Variants in HDAC9 observed in about 807,000 individuals in gnomAD.
The protein encoded by HDAC9 is histone deacetylase 9.
A neutral mutation model predicts 139.4 loss-of-function variants in HDAC9; 41 were observed. The ratio of observed to expected loss-of-function variants is 0.29; its 90% CI spans 0.23 to 0.38. The LOEUF is 0.38. HDAC9 is among the 10% of genes least tolerant of loss of function. The pLI is 1.00. For missense variants in HDAC9, 1,147 were observed against 1,297.0 expected (o/e 0.88, Z 1.78); for synonymous variants, 517 against 476.2 (o/e 1.09, Z -1.12).
At chr7:18,303,836 A>T (rs1798735239) in intron 1 of HDAC9, among the ~76,000 whole-genome samples, 1 of 151,956 alleles carries the variant, frequency 6.6e-6, no homozygotes, top group South Asian at 2.1e-4. Flanking sequence ...GCTGGCTGGA[A>T]CCTCACATGG....
intron 1 of HDAC9, among the ~76,000 whole-genome samples, chr7:18,421,542 A>G (rs34184790): frequency 0.24 from 36,584 of 152,088 alleles, 4,709 homozygotes; most frequent in East Asian, 0.42. Context: ...AAAGAACACA[A>G]TTATTTTTAT....
At chr7:18,922,323 A>G (rs1452584940) in intron 22 of HDAC9, among the ~76,000 whole-genome samples, 2 of 152,082 alleles carry the variant, frequency 1.3e-5, no homozygotes, top group Non-Finnish European at 2.9e-5. Context: ...TGTTTTCTAT[A>G]TAATTAAACC....
At chr7:18,237,632 T>G (rs537785886) in intron 2 of HDAC9, among the ~76,000 whole-genome samples, 77 of 152,268 alleles carry the variant, frequency 5.1e-4, no homozygotes, top group African/African-American at 1.7e-3. Context: ...TGAAAGATAT[T>G]TTGAAGGAAG....
intron 22 of HDAC9, among the ~76,000 whole-genome samples, chr7:18,895,145 A>G (rs546431477): frequency 2.0e-4 from 31 of 152,148 alleles, no homozygotes; most frequent in Non-Finnish European, 1.8e-4. Context: ...TAAATTTCAC[A>G]TATAACTTTA....
intron 2 of HDAC9, among the ~76,000 whole-genome samples, chr7:18,541,656 A>C: frequency 6.6e-6 from 1 of 152,226 alleles, no homozygotes; most frequent in East Asian, 1.9e-4. Flanking sequence ...GTTGGAACAG[A>C]AACAGGAATT....
intron 1 of HDAC9, among the ~76,000 whole-genome samples, chr7:18,471,618 C>T (rs926587758): frequency 9.2e-5 from 14 of 152,196 alleles, no homozygotes; most frequent in African/African-American, 3.1e-4. Flanking sequence ...CTGAACTTCT[C>T]TCTGGAATGC....
At chr7:18,221,547 T>C (rs984608267) in intron 2 of HDAC9, among the ~76,000 whole-genome samples, 6 of 152,180 alleles carry the variant, frequency 3.9e-5, no homozygotes, top group African/African-American at 1.4e-4. Context: ...AAGCAGATGA[T>C]GTTATTCCTA....
chr7:18,198,346 CA>C (rs1478765919), intron 2 of HDAC9, among the ~76,000 whole-genome samples: 1 of 151,982 alleles, frequency 6.6e-6, no homozygotes, highest in East Asian at 1.9e-4. Context: ...CTTTTAATAT[CA>C]ACACCATAGA....
chr7:18,869,149 T>G (rs548463876), intron 21 of HDAC9, among the ~76,000 whole-genome samples: 1,878 of 66,288 alleles, frequency 0.028, 10 homozygotes, highest in Non-Finnish European at 0.043. Context: ...ACAATTGGGG[T>G]GTGTGTGTGT....
intron 13 of HDAC9, among the ~76,000 whole-genome samples, chr7:18,734,471 C>T (rs1229930482): frequency 6.6e-6 from 1 of 152,116 alleles, no homozygotes; most frequent in African/African-American, 2.4e-5. Flanking sequence ...TGAGTGAGAA[C>T]ATGTGGTGGT....
intron 6 of HDAC9, among the ~76,000 whole-genome samples, chr7:18,623,721 A>G (rs2269747): frequency 0.069 from 10,573 of 152,184 alleles, 795 homozygotes; most frequent in East Asian, 0.34. Context: ...AGGCGGGCGG[A>G]TTACAAGGTC....
chr7:18,742,649 T>G (rs997828197), intron 13 of HDAC9, among the ~76,000 whole-genome samples: 2 of 152,150 alleles, frequency 1.3e-5, no homozygotes, highest in Admixed American at 6.5e-5. Flanking sequence ...AACTTTTTAT[T>G]TGGTTATTTT....
At chr7:18,842,501 A>G (rs1340412989) in intron 21 of HDAC9, among the ~76,000 whole-genome samples, 1 of 152,094 alleles carries the variant, frequency 6.6e-6, no homozygotes, top group Non-Finnish European at 1.5e-5. Context: ...ATATGAATTT[A>G]TTGCTAGTGT....
intron 1 of HDAC9, among the ~76,000 whole-genome samples, chr7:18,106,371 C>T (rs1783202642): frequency 1.3e-5 from 2 of 152,108 alleles, no homozygotes; most frequent in Non-Finnish European, 2.9e-5. Context: ...CCTGTCTGTT[C>T]CTCTCTCCCT....
chr7:18,305,056 C>G (rs1477894051), intron 1 of HDAC9, among the ~76,000 whole-genome samples: 4 of 152,310 alleles, frequency 2.6e-5, no homozygotes, highest in African/African-American at 9.6e-5. Context: ...TTTGCTCACA[C>G]ACTCTTCCTT....
intron 22 of HDAC9, among the ~76,000 whole-genome samples, chr7:18,930,191 G>T (rs1804612213): frequency 6.6e-6 from 1 of 152,064 alleles, no homozygotes; most frequent in Non-Finnish European, 1.5e-5. Flanking sequence ...TATGTCCAGT[G>T]ATTGCTTGAG....
chr7:18,729,289 T>TAATAATATTAAAAATTAAA (rs1353086351), intron 13 of HDAC9, among the ~76,000 whole-genome samples: 3 of 151,344 alleles, frequency 2.0e-5, no homozygotes, highest in Middle Eastern at 3.2e-3. Flanking sequence ...CTTAATATTA[T>TAATAATATTAAAAATTAAA]AATAATATTA....
At chr7:18,778,056 AG>A (rs754915467) in intron 16 of HDAC9, among the ~76,000 whole-genome samples, 11 of 152,002 alleles carry the variant, frequency 7.2e-5, no homozygotes, top group Non-Finnish European at 1.6e-4. Context: ...TCATAGAATT[AG>A]TAGGCCATGG....
At chr7:18,613,925 T>G (rs1837876780) in intron 6 of HDAC9, among the ~76,000 whole-genome samples, 1 of 152,126 alleles carries the variant, frequency 6.6e-6, no homozygotes, top group East Asian at 1.9e-4. Flanking sequence ...TACCTCTCTA[T>G]TTTTACCACC....
Sources: gnomAD v4.1 joint callset for allele counts (sites outside exome capture counted in the v4.1 genomes callset) on GRCh38, gnomAD v4.1.1 for gene constraint, MANE v1.5 for transcripts, NCBI Gene and HGNC (gene_info 2026-07-23, HGNC 2026-07-21) for gene names.